Variants in PTGES3 observed in about 807,000 individuals in gnomAD.
PTGES3 encodes prostaglandin E synthase 3.
Under a neutral mutation model 29.9 loss-of-function variants are expected in PTGES3, and 5 were observed. The ratio of observed to expected loss-of-function variants is 0.17; its 90% CI spans 0.09 to 0.35. The LOEUF is 0.35. Ranked by LOEUF, PTGES3 falls within the 10% of genes least tolerant of loss-of-function variation. The pLI is 1.00. For missense variants in PTGES3, 128 were observed against 190.0 expected (o/e 0.67, Z 1.92); for synonymous variants, 49 against 57.8 (o/e 0.85, Z 0.69).
chr12:56,675,837 C>T (rs935292946), intron 1 of PTGES3, among the ~76,000 whole-genome samples: 1 of 152,018 alleles, frequency 6.6e-6, no homozygotes, highest in Non-Finnish European at 1.5e-5. Context: ...GCAGGAGAAT[C>T]GCTTGAAATA....
chr12:56,670,649 T>A, intron 4 of PTGES3: 2 of 274,216 alleles, frequency 7.3e-6, no homozygotes, highest in Non-Finnish European at 7.0e-6. Context: ...TTACCTGACA[T>A]ATGGCAATGC....
At chr12:56,684,352 A>C (rs1368293078) in intron 1 of PTGES3, among the ~76,000 whole-genome samples, 6 of 152,210 alleles carry the variant, frequency 3.9e-5, no homozygotes, top group Non-Finnish European at 7.3e-5. Context: ...CAGGAAGAAA[A>C]ATTAAAAATC....
At chr12:56,685,320 C>CA (rs1394119647) in intron 1 of PTGES3, among the ~76,000 whole-genome samples, 2 of 151,568 alleles carry the variant, frequency 1.3e-5, no homozygotes, top group African/African-American at 2.4e-5. Flanking sequence ...CTGGTCTCTT[C>CA]AAAACACTTG....
intron 1 of PTGES3, among the ~76,000 whole-genome samples, chr12:56,683,336 G>A (rs1382938147): frequency 6.6e-6 from 1 of 151,656 alleles, no homozygotes; most frequent in Non-Finnish European, 1.5e-5. Flanking sequence ...AGCCGGGCAT[G>A]GTGGCGCATG....
intron 1 of PTGES3, among the ~76,000 whole-genome samples, chr12:56,683,962 A>T (rs997387660): frequency 6.8e-6 from 1 of 145,996 alleles, no homozygotes. Flanking sequence ...CGTCTCAAAA[A>T]AAAAAAAAAC....
At chr12:56,673,661 C>T (rs1251133198) in intron 1 of PTGES3, among the ~76,000 whole-genome samples, 1 of 151,544 alleles carries the variant, frequency 6.6e-6, no homozygotes, top group Non-Finnish European at 1.5e-5. Context: ...GGCACAGTGG[C>T]AGGCGCCTGT....
chr12:56,667,504 C>T (rs1951833940), intron 5 of PTGES3, among the ~76,000 whole-genome samples: 2 of 152,112 alleles, frequency 1.3e-5, no homozygotes, highest in South Asian at 4.1e-4. Flanking sequence ...AAAAATCTGC[C>T]TTATGTGACA....
intron 1 of PTGES3, among the ~76,000 whole-genome samples, chr12:56,677,694 GTTTT>G (rs1321582788): frequency 1.3e-5 from 2 of 151,822 alleles, no homozygotes; most frequent in African/African-American, 2.4e-5. Flanking sequence ...GGGTACCTGT[GTTTT>G]TTTGAGTTAT....
intron 7 of PTGES3, 123 bp from the exon 8 acceptor site, chr12:56,664,621 C>T: frequency 7.3e-7 from 1 of 1,376,524 alleles, no homozygotes; most frequent in Non-Finnish European, 1.0e-6. Context: ...AATAGGTTGT[C>T]TTGCTATCAA....
At chr12:56,686,188 T>C (rs1434245990) in intron 1 of PTGES3, among the ~76,000 whole-genome samples, 2 of 152,134 alleles carry the variant, frequency 1.3e-5, no homozygotes, top group African/African-American at 4.8e-5. Flanking sequence ...AAGCCAATTT[T>C]AAACATACTT....
intron 1 of PTGES3, among the ~76,000 whole-genome samples, chr12:56,683,473 CAAAAAAAAAAAAAA>C (rs71081388): frequency 8.4e-4 from 25 of 29,764 alleles, no homozygotes; most frequent in African/African-American, 2.2e-3. Context: ...AACTCTGTCT[CAAAAAAAAAAAAAA>C]AAAAAAAAAA....
At chr12:56,682,249 G>A (rs1952575464) in intron 1 of PTGES3, among the ~76,000 whole-genome samples, 2 of 152,118 alleles carry the variant, frequency 1.3e-5, no homozygotes, top group Admixed American at 6.6e-5. Context: ...ATACAAAATG[G>A]GAAAAGAGCA....
At chr12:56,677,232 C>A (rs890521571) in intron 1 of PTGES3, among the ~76,000 whole-genome samples, 3 of 150,362 alleles carry the variant, frequency 2.0e-5, no homozygotes, top group Non-Finnish European at 4.4e-5. Context: ...GAGTGAGACT[C>A]CTTCTCCGCA....
rs772431271 is a variant in PTGES3, at chr12:56,670,308, A to C, written c.342T>G (p.Asp114Glu). 6.2e-7 allele frequency: 1 copy of C among 1,613,696 alleles called. No homozygotes were observed. The highest frequency in any genetic ancestry group is 8.5e-7 in the Non-Finnish European group (1 of 1,179,604). ...NNWKDWEDDS[D>E]EDMSNFDRFS... ...AACGATCAAAATTAGACATGTCTTCATCTGAATCATCTTCCCAGTCTTTCC... is the reference window on the plus strand; with the variant it reads ...AACGATCAAAATTAGACATGTCTTCCTCTGAATCATCTTCCCAGTCTTTCC... Residue 114 changes from aspartate (D) to glutamate (E), a missense_variant, in exon 5 of 8, where the codon GAT becomes GAG. Coordinates refer to ENST00000262033, the MANE Select transcript of PTGES3 (RefSeq NM_006601.7).
At chr12:56,667,346 A>G (rs527463586) in intron 5 of PTGES3, among the ~76,000 whole-genome samples, 7 of 152,382 alleles carry the variant, frequency 4.6e-5, no homozygotes, top group African/African-American at 1.7e-4. Flanking sequence ...TAAATTTTAG[A>G]AAAATAAAAT....
intron 6 of PTGES3, 68 bp downstream of exon 6, chr12:56,666,136 T>C: frequency 1.1e-5 from 16 of 1,498,260 alleles, no homozygotes; most frequent in Non-Finnish European, 1.4e-5. Context: ...TAAAACCATT[T>C]GTAAATATGT....
In PTGES3 at chr12:56,671,801, C is replaced by T; in HGVS notation, c.233G>A (p.Arg78Gln). The change falls in exon 4 of 8, where the codon CGA becomes CAA. Residue 78 changes from arginine to glutamine, a missense_variant. By Grantham distance (43) the Arg-to-Gln change is conservative. Coordinates refer to ENST00000262033, the MANE Select transcript of PTGES3 (RefSeq NM_006601.7). Reference sequence around the variant, plus strand: ...CCATGACTGGCCAGATTCTCCTTTTCGTAAACAACATAAAATTGATCTGTC... The same window carrying T: ...CCATGACTGGCCAGATTCTCCTTTTTGTAAACAACATAAAATTGATCTGTC... ...RTDRSILCCL[R>Q]KGESGQSWPR... is the part of the protein sequence containing the mutation. The T allele has an allele frequency of 3.2e-6, 5 of 1,579,532 alleles. No individual in the cohort carries two copies. The highest frequency in any genetic ancestry group is 3.4e-6 in the Non-Finnish European group (4 of 1,161,636).
At position 56,664,000 on chromosome 12, in the gene PTGES3, TG is replaced by T. The variant is rs2137566720; in HGVS notation, c.*478del. ...AAATTTTTTGAAAAATAAATTTTAG[TG>T]GAACAATCCTGAAGGATAACACCAG... On this transcript the variant is annotated 3_prime_UTR_variant, in exon 8 of 8. Transcript: ENST00000262033. The T allele has an allele frequency of 6.6e-6, 1 of 151,548 alleles. No homozygotes were observed. The highest frequency in any genetic ancestry group is 2.5e-5 in the African/African-American group (1 of 40,766). 9.4% of individuals were successfully genotyped at this position (151,548 alleles called of 1,614,324 possible). A position where few individuals can be genotyped will look rare whatever the true frequency, so the allele number is the denominator to read the frequency against.
chr12:56,681,675 C>G (rs1017283136), intron 1 of PTGES3, among the ~76,000 whole-genome samples: 1 of 151,600 alleles, frequency 6.6e-6, no homozygotes, highest in African/African-American at 2.4e-5. Flanking sequence ...TGGCGAAACC[C>G]CATCTCTACT....
Sources: allele counts gnomAD v4.1 joint callset (sites outside exome capture counted in the v4.1 genomes callset), GRCh38; gene constraint gnomAD v4.1.1; transcripts MANE v1.5; gene names NCBI Gene and HGNC (gene_info 2026-07-23, HGNC 2026-07-21).